The following SPECC1L variants were observed in gnomAD, a reference collection of about 807,000 sequenced individuals.
The protein encoded by SPECC1L is cytospin-A.
Under a neutral mutation model 116.8 loss-of-function variants are expected in SPECC1L, and 40 were observed. The observed-to-expected ratio is 0.34, with a 90% CI of 0.27 to 0.45. The LOEUF is 0.45. Among genes scored for constraint, SPECC1L ranks in the 20% least tolerant of loss-of-function variants. The probability of loss-of-function intolerance (pLI) is 1.00; values close to 1 mark genes in which losing one functional copy is unlikely to be tolerated. For synonymous variants in SPECC1L, 504 were observed against 500.6 expected (o/e 1.01, Z -0.09); for missense variants, 1,110 against 1,373.6 (o/e 0.81, Z 3.03).
chr22:24,284,119 T>A (rs1314045118), intron 2 of SPECC1L, among the ~76,000 whole-genome samples: 1 of 152,158 alleles, frequency 6.6e-6, no homozygotes, highest in South Asian at 2.1e-4. Context: ...TTCTCCATAC[T>A]TTGTGTTTCA....
intron 14 of SPECC1L, among the ~76,000 whole-genome samples, chr22:24,379,218 T>TA (rs146982099): frequency 0.068 from 10,027 of 147,058 alleles, 435 homozygotes; most frequent in Non-Finnish European, 0.094. Flanking sequence ...TATTAAAATT[T>TA]AAAAAAAAAA....
Position 24,334,529 on chromosome 22 carries a change from C to T in SPECC1L, c.2516C>T (p.Pro839Leu), listed in dbSNP as rs1569425012. ...TCCTCGACTTCCTCAGAGCCAACTC[C>T]TACAGTAAAAACCCTCATCAAGTCC... Reference protein sequence around the residue: ...RRSSTSSEPTPTVKTLIKSFD... With the variant: ...RRSSTSSEPTLTVKTLIKSFD... Residue 839 changes from proline (P) to leucine (L), a missense_variant, in exon 9 of 17, where the codon CCT becomes CTT. Physicochemically the swap from Pro to Leu is moderately conservative, Grantham distance 98. This residue lies in a region of SPECC1L where 575 missense variants were observed against 682.4 expected (regional missense o/e 0.84). Transcript: ENST00000314328. 1 of 1,614,144 alleles carries T rather than the reference C, an allele frequency of 6.2e-7. No homozygotes were observed. Among genetic ancestry groups the T allele is most frequent in the Admixed American group, 1.7e-5 (1 of 60,022 alleles).
At position 24,299,451 on chromosome 22, in the gene SPECC1L, C is replaced by G. The variant is rs554764786; in HGVS notation, c.-37-2744C>G. ...GACCCTGTCTCAAAAAAACGGTGAACAGGGGGTATTTGGGTCTGATATGGC... is the reference window on the plus strand; with the variant it reads ...GACCCTGTCTCAAAAAAACGGTGAAGAGGGGGTATTTGGGTCTGATATGGC... On this transcript the variant is annotated intron_variant, in intron 2 of 16. Transcript: ENST00000314328. Among the ~76,000 whole-genome samples the G allele has an allele frequency of 2.0e-5, 3 of 152,126 alleles. No individual in the cohort carries two copies. The East Asian group carries it at 5.8e-4, about 29-fold the overall frequency.
intron 2 of SPECC1L, among the ~76,000 whole-genome samples, chr22:24,286,602 T>G (rs1055491197): frequency 4.6e-5 from 7 of 152,234 alleles, no homozygotes; most frequent in Non-Finnish European, 1.0e-4. Flanking sequence ...TTTTTCTGTC[T>G]TATATCTTTG....
intron 14 of SPECC1L, among the ~76,000 whole-genome samples, chr22:24,369,935 G>C (rs1162590168): frequency 6.6e-6 from 1 of 152,190 alleles, no homozygotes; most frequent in South Asian, 2.1e-4. Context: ...TTGATTTCTA[G>C]TGTCCTCACA....
intron 14 of SPECC1L, among the ~76,000 whole-genome samples, chr22:24,381,188 C>G (rs1362079209): frequency 6.6e-6 from 1 of 152,100 alleles, no homozygotes; most frequent in Admixed American, 6.5e-5. Context: ...TTTTCTTGCC[C>G]TGGAAAACCC....
chr22:24,330,976 C>T (rs1193958065), intron 8 of SPECC1L, among the ~76,000 whole-genome samples: 1 of 152,136 alleles, frequency 6.6e-6, no homozygotes, highest in African/African-American at 2.4e-5. Flanking sequence ...TTTGGAGACC[C>T]AAGTAAAGAA....
chr22:24,407,791 G>A (rs1338464106), intron 14 of SPECC1L, among the ~76,000 whole-genome samples: 2 of 152,086 alleles, frequency 1.3e-5, no homozygotes, highest in African/African-American at 4.8e-5. Context: ...TTTGTAGTGG[G>A]CCCTGCAAAT....
chr22:24,318,257 G>A (rs1036194030), intron 4 of SPECC1L, among the ~76,000 whole-genome samples: 15 of 152,018 alleles, frequency 9.9e-5, no homozygotes, highest in Non-Finnish European at 1.8e-4. Context: ...AGGAGACTCC[G>A]TCTGCAATCC....
intron 14 of SPECC1L, among the ~76,000 whole-genome samples, chr22:24,387,388 A>G (rs1298785095): frequency 6.6e-6 from 1 of 152,188 alleles, no homozygotes; most frequent in African/African-American, 2.4e-5. Context: ...GGTTATCTTT[A>G]GGGGAACTGA....
intron 2 of SPECC1L, 144 bp from the exon 3 acceptor site, chr22:24,302,045 CAAAAAA>C: frequency 2.2e-6 from 1 of 464,580 alleles, no homozygotes; most frequent in Non-Finnish European, 3.7e-6. Context: ...GACTCCGTCT[CAAAAAA>C]AAAAAAAAAT....
At chr22:24,280,538 C>T (rs1454285851) in intron 2 of SPECC1L, among the ~76,000 whole-genome samples, 1 of 151,250 alleles carries the variant, frequency 6.6e-6, no homozygotes. Flanking sequence ...TAACCACAGC[C>T]ACTACAGATG....
intron 10 of SPECC1L, among the ~76,000 whole-genome samples, chr22:24,339,940 A>G (rs574830578): frequency 1.3e-5 from 2 of 151,880 alleles, no homozygotes; most frequent in South Asian, 2.1e-4. Flanking sequence ...GTGCACCACC[A>G]TGCCTGGCTG....
At chr22:24,356,042 A>G (rs1463079515) in intron 11 of SPECC1L, among the ~76,000 whole-genome samples, 1 of 151,944 alleles carries the variant, frequency 6.6e-6, no homozygotes, top group Non-Finnish European at 1.5e-5. Context: ...TTTCATCCCT[A>G]CAGTTGTACC....
chr22:24,274,182 C>G (rs2048786882), intron 1 of SPECC1L, among the ~76,000 whole-genome samples: 1 of 152,200 alleles, frequency 6.6e-6, no homozygotes, highest in Non-Finnish European at 1.5e-5. Context: ...GGTTTTCTGT[C>G]AGCTCAGAAA....
At chr22:24,294,965 T>C (rs1160682608) in intron 2 of SPECC1L, among the ~76,000 whole-genome samples, 4 of 152,200 alleles carry the variant, frequency 2.6e-5, no homozygotes, top group East Asian at 1.9e-4. Context: ...GATTTTTAAA[T>C]AGTATTATGT....
chr22:24,365,173 A>G (rs7288349), intron 12 of SPECC1L, among the ~76,000 whole-genome samples: 35,844 of 151,700 alleles, frequency 0.24, 4,420 homozygotes, highest in Admixed American at 0.3. Flanking sequence ...ATGCCTGGCT[A>G]ATTTTTGTAT....
intron 3 of SPECC1L, among the ~76,000 whole-genome samples, chr22:24,309,387 C>T (rs2049568171): frequency 6.6e-6 from 1 of 152,076 alleles, no homozygotes; most frequent in Non-Finnish European, 1.5e-5. Context: ...CTGTGAAAAA[C>T]AGTTTATCAA....
At chr22:24,362,333 AGAG>A (rs1459247612) in intron 11 of SPECC1L, among the ~76,000 whole-genome samples, 1 of 152,202 alleles carries the variant, frequency 6.6e-6, no homozygotes, top group African/African-American at 2.4e-5. Flanking sequence ...AGGAGGGAAT[AGAG>A]GAGGAGGTGA....
Sources: gnomAD v4.1 joint callset for allele counts (sites outside exome capture counted in the v4.1 genomes callset) on GRCh38, gnomAD v4.1.1 for gene constraint, gnomAD v4.1.1 regional missense constraint, MANE v1.5 for transcripts, NCBI Gene and HGNC (gene_info 2026-07-23, HGNC 2026-07-21) for gene names.